OTOF: variants seen among roughly 807,000 people sequenced by gnomAD.
OTOF encodes otoferlin, also known as fer-1-like family member 2.
OTOF carries 218 observed loss-of-function variants against 236.8 expected under a neutral mutation model. The ratio of observed to expected loss-of-function variants is 0.92; its 90% CI spans 0.82 to 1.03. The LOEUF is 1.03. Among genes scored for constraint, OTOF ranks in the 50% least tolerant of loss-of-function variants. The probability of loss-of-function intolerance (pLI) is 0.00; values close to 1 mark genes in which losing one functional copy is unlikely to be tolerated. For missense variants in OTOF, 2,590 were observed against 2,694.4 expected (o/e 0.96, Z 0.86); for synonymous variants, 1,041 against 1,072.5 (o/e 0.97, Z 0.57).
At chr2:26,491,297 A>C (rs775466711) in intron 9 of OTOF, among the ~76,000 whole-genome samples, 1 of 152,116 alleles carries the variant, frequency 6.6e-6, no homozygotes, top group Admixed American at 6.5e-5. Context: ...TGGAGGCAGA[A>C]ACCCTGCAGA....
At chr2:26,558,468 C>T in intron 1 of OTOF, 25 bp downstream of exon 1, 7 of 1,601,366 alleles carry the variant, frequency 4.4e-6, no homozygotes, top group Non-Finnish European at 6.0e-6. Context: ...GAGCTGGCGT[C>T]CCTCTGAGAC....
chr2:26,548,594 C>T (rs892958214), intron 1 of OTOF, among the ~76,000 whole-genome samples: 27 of 152,200 alleles, frequency 1.8e-4, no homozygotes, highest in Admixed American at 1.6e-3. Flanking sequence ...TTTTGGTCAA[C>T]GACCACTTGG....
intron 9 of OTOF, among the ~76,000 whole-genome samples, chr2:26,490,713 C>G (rs939312231): frequency 2.0e-5 from 3 of 152,188 alleles, no homozygotes; most frequent in Non-Finnish European, 2.9e-5. Flanking sequence ...CTTGCCTGAG[C>G]CTCAGTTTAC....
chr2:26,464,175 G>A lies in OTOF; in HGVS notation c.4961-69C>T, dbSNP rs566658088. 4,169 of 1,586,626 alleles carry A rather than the reference G, an allele frequency of 2.6e-3. 6 individuals are homozygous for A. The highest frequency in any genetic ancestry group is 3.3e-3 in the Non-Finnish European group (3,848 of 1,162,276). On this transcript the variant is annotated intron_variant, in intron 39 of 46. Transcript: ENST00000272371. ...CCAGAAGACCTTTGCTGGGACTAGG[G>A]ACTTAGGAGCACAAAGAAGCCTCTA...
Position 26,477,490 on chromosome 2 carries a change from C to A in OTOF, c.2332G>T (p.Ala778Ser), listed in dbSNP as rs754243402. 3.3e-5 allele frequency: 53 copies of A among 1,603,010 alleles called. No homozygotes were observed. The highest frequency in any genetic ancestry group is 4.3e-5 in the Non-Finnish European group (51 of 1,175,696). ...GATGAGTGGCCCTGGTCCTTGTCAG[C>A]GAGGGAGAGGAAGCGGCTGGGGGTA... is the stretch of plus-strand genomic sequence containing the variant. ...SCGCCRFLSL[A>S]DKDQGHSSRT... Residue 778 changes from alanine to serine, a missense_variant, in exon 20 of 47, where the codon GCT (alanine) becomes TCT (serine). Transcript: ENST00000272371. This position sits in a 1 kb window ranked among gnomAD's most constrained non-coding sequence, Gnocchi z 4.7.
At chr2:26,539,379 A>G (rs1372191465) in intron 1 of OTOF, among the ~76,000 whole-genome samples, 2 of 152,206 alleles carry the variant, frequency 1.3e-5, no homozygotes, top group Non-Finnish European at 1.5e-5. Flanking sequence ...TAAAAAAAAT[A>G]CCAAAACCCA....
rs397517937 is a variant in OTOF at position 26,479,529 on chromosome 2, G to A, written c.2037C>T (p.Ala679=). The A allele has an allele frequency of 3.7e-6, 6 of 1,608,062 alleles. No individual in the cohort carries two copies. The Admixed American group carries it at 1.0e-4, about 27-fold the overall frequency. Residue 679 remains alanine (A), a synonymous_variant, in exon 17 of 47, where the codon GCC becomes GCT. Coordinates refer to ENST00000272371, the MANE Select transcript of OTOF (RefSeq NM_194248.3). ...TGGAGGAGACTGAGGCCAGGTCCCC[G>A]GCATCACCGGCCTCGTCATCACTTG... is the stretch of plus-strand genomic sequence containing the variant. The part of the protein sequence containing the change: ...QNASDDEAGD[A]GDLASVSSTP...
rs1666469710 is a variant in OTOF, at chr2:26,514,443, C to G, written c.509+1975G>C. Among the ~76,000 whole-genome samples, 3 of 152,248 alleles carry G rather than the reference C, an allele frequency of 2.0e-5. No homozygotes were observed. In the South Asian group the frequency reaches 6.2e-4, roughly 31 times the overall value. On this transcript the variant is annotated intron_variant, in intron 5 of 46. Coordinates refer to ENST00000272371, the MANE Select transcript of OTOF (RefSeq NM_194248.3). Reference sequence around the variant, plus strand: ...CCAGATTCCTGGTGCCTAGGGCTCTCTGGGACTCTAAGCTCTCCAGAGCCC... The same window carrying G: ...CCAGATTCCTGGTGCCTAGGGCTCTGTGGGACTCTAAGCTCTCCAGAGCCC...
At chr2:26,490,829 T>C (rs1227812444) in intron 9 of OTOF, among the ~76,000 whole-genome samples, 1 of 152,142 alleles carries the variant, frequency 6.6e-6, no homozygotes, top group Non-Finnish European at 1.5e-5. Flanking sequence ...GAAGTTGCAA[T>C]GAGACACCCT....
chr2:26,482,647 ATGTG>A (rs370631653), intron 13 of OTOF, 55 bp from the exon 14 acceptor site: 64 of 1,454,770 alleles, frequency 4.4e-5, no homozygotes, highest in African/African-American at 7.3e-5. Context: ...GAGTGGGTGC[ATGTG>A]TGTGTGTGTG....
chr2:26,513,620 T>G (rs1214247691), intron 5 of OTOF, among the ~76,000 whole-genome samples: 1 of 152,214 alleles, frequency 6.6e-6, no homozygotes, highest in African/African-American at 2.4e-5. Context: ...CAACGGGATT[T>G]TCCTCTTGCT....
chr2:26,534,831 A>C (rs1197311064), intron 2 of OTOF, among the ~76,000 whole-genome samples: 1 of 152,170 alleles, frequency 6.6e-6, no homozygotes, highest in Non-Finnish European at 1.5e-5. Flanking sequence ...CCCTGGGCAG[A>C]GTAAGACGGA....
chr2:26,518,526 A>G (rs1307228325), intron 4 of OTOF, among the ~76,000 whole-genome samples: 2 of 152,224 alleles, frequency 1.3e-5, no homozygotes, highest in Non-Finnish European at 2.9e-5. Context: ...TTGTTAGAAC[A>G]TGTGTCAGGT....
At chr2:26,458,469 A>G (rs1664295303) in intron 46 of OTOF, among the ~76,000 whole-genome samples, 2 of 152,236 alleles carry the variant, frequency 1.3e-5, no homozygotes, top group African/African-American at 4.8e-5. Flanking sequence ...TACTTGCAGC[A>G]TGGGGCAGCC....
intron 3 of OTOF, among the ~76,000 whole-genome samples, chr2:26,526,108 G>GA (rs1476884145): frequency 2.2e-4 from 26 of 120,792 alleles, no homozygotes; most frequent in Admixed American, 1.2e-3. Context: ...AAAAAAAAAG[G>GA]AAAAGAAAAA....
intron 1 of OTOF, among the ~76,000 whole-genome samples, chr2:26,547,860 GT>G (rs1356157565): frequency 1.3e-5 from 2 of 152,102 alleles, no homozygotes; most frequent in African/African-American, 4.8e-5. Context: ...AAAAAAGAAT[GT>G]TTTCTACAAT....
chr2:26,483,570 C>G lies in OTOF; in HGVS notation c.1284G>C (p.Gly428=), dbSNP rs761591189. Reference sequence around the variant, plus strand: ...TGAGGCTTGTGTTCATACGGGGCAGCCCCTCTGCTCGGTAAATTTTCACAT... The same window carrying G: ...TGAGGCTTGTGTTCATACGGGGCAGGCCCTCTGCTCGGTAAATTTTCACAT... ...RFYVKIYRAE[G]LPRMNTSLMA... The change falls in exon 13 of 47, where the codon GGG becomes GGC. Residue 428 remains glycine, a synonymous_variant. Coordinates refer to ENST00000272371, the MANE Select transcript of OTOF (RefSeq NM_194248.3). 1.2e-6 allele frequency: 2 copies of G among 1,613,804 alleles called. No individual in the cohort carries two copies. The highest frequency in any genetic ancestry group is 1.7e-6 in the Non-Finnish European group (2 of 1,180,034).
At chr2:26,521,409 C>G in intron 3 of OTOF, among the ~76,000 whole-genome samples, 1 of 152,180 alleles carries the variant, frequency 6.6e-6, no homozygotes, top group East Asian at 1.9e-4. Flanking sequence ...GCTATTCCCC[C>G]TGCAAGTGCT....
intron 5 of OTOF, among the ~76,000 whole-genome samples, chr2:26,504,869 A>G (rs960441158): frequency 2.6e-5 from 4 of 152,198 alleles, no homozygotes; most frequent in Non-Finnish European, 4.4e-5. Context: ...CTGTAGGTCC[A>G]GGTGGAGCCA....
Sources: gnomAD v4.1 joint callset for allele counts (sites outside exome capture counted in the v4.1 genomes callset) on GRCh38, gnomAD v4.1.1 for gene constraint, Gnocchi (gnomAD v3.1) non-coding constraint, MANE v1.5 for transcripts, NCBI Gene and HGNC (gene_info 2026-07-23, HGNC 2026-07-21) for gene names.